The following HDAC4 variants were observed in gnomAD, a reference collection of about 807,000 sequenced individuals.
HDAC4 encodes histone deacetylase 4, also known as histone deacetylase A.
In HDAC4, 16 loss-of-function variants were observed where a neutral mutation model predicts 135.1. The observed-to-expected ratio is 0.12, with a 90% CI of 0.08 to 0.18. The LOEUF is 0.18. Ranked by LOEUF, HDAC4 falls within the 10% of genes least tolerant of loss-of-function variation. The probability of loss-of-function intolerance (pLI) is 1.00; values close to 1 mark genes in which losing one functional copy is unlikely to be tolerated. For missense variants in HDAC4, 1,143 were observed against 1,511.8 expected, an observed-to-expected ratio of 0.76 and a Z score of 4.05; for synonymous variants, 685 against 653.4, an observed-to-expected ratio of 1.05 and a Z score of -0.74.
intron 2 of HDAC4, among the ~76,000 whole-genome samples, chr2:239,239,963 C>A (rs1360508473): frequency 6.6e-6 from 1 of 152,270 alleles, no homozygotes; most frequent in Non-Finnish European, 1.5e-5. Flanking sequence ...TGAGCCCCAG[C>A]CAGCTGGAAG....
At position 239,082,744 on chromosome 2, in the gene HDAC4, A is replaced by T. The variant is rs367796514; in HGVS notation, c.2533-523T>A. Among the ~76,000 whole-genome samples the T allele has an allele frequency of 6.6e-4, 100 of 152,346 alleles. 1 individual carries two copies. In the East Asian group the frequency reaches 0.019, roughly 28 times the overall value. ...TCCGTGAGTGACAGGCACACACAGTACGGGGTCCAGGCCCCTGTGCCCAAA... is the reference window on the plus strand; with the variant it reads ...TCCGTGAGTGACAGGCACACACAGTTCGGGGTCCAGGCCCCTGTGCCCAAA... On this transcript the variant is annotated intron_variant, in intron 20 of 26. Coordinates refer to ENST00000543185, the MANE Select transcript of HDAC4 (RefSeq NM_001378414.1).
At chr2:239,087,334 C>A (rs1168527920) in intron 19 of HDAC4, among the ~76,000 whole-genome samples, 2 of 152,258 alleles carry the variant, frequency 1.3e-5, no homozygotes, top group Admixed American at 6.5e-5. Context: ...CCTTTCCCAT[C>A]CTTTCCTCTG....
chr2:239,325,957 T>C (rs1467773598), intron 2 of HDAC4, among the ~76,000 whole-genome samples: 3 of 151,104 alleles, frequency 2.0e-5, no homozygotes, highest in South Asian at 4.2e-4. Context: ...CAGAGTGGGA[T>C]GAAAAAAAAA....
At chr2:239,312,614 A>G (rs142864223) in intron 2 of HDAC4, among the ~76,000 whole-genome samples, 4 of 152,348 alleles carry the variant, frequency 2.6e-5, no homozygotes, top group East Asian at 1.9e-4. Context: ...TATGCGTCCA[A>G]TGAAACGAAA....
At chr2:239,353,112 C>A (rs772716139) in intron 1 of HDAC4, among the ~76,000 whole-genome samples, 194 bp from the exon 2 acceptor site, 2 of 152,174 alleles carry the variant, frequency 1.3e-5, no homozygotes, top group African/African-American at 2.4e-5. Context: ...ACCCTGGGTT[C>A]GAGCAATTCT....
At chr2:239,237,673 G>A (rs1338520448) in intron 2 of HDAC4, among the ~76,000 whole-genome samples, 2 of 151,978 alleles carry the variant, frequency 1.3e-5, no homozygotes. Flanking sequence ...ATTCAAGAAC[G>A]GAAACAAGGG....
At chr2:239,251,351 G>C (rs75742476) in intron 2 of HDAC4, among the ~76,000 whole-genome samples, 4,726 of 152,196 alleles carry the variant, frequency 0.031, 250 homozygotes, top group African/African-American at 0.11. Flanking sequence ...CCAACACTTT[G>C]GGAGGAATGA....
At chr2:239,242,689 A>G (rs1329997579) in intron 2 of HDAC4, among the ~76,000 whole-genome samples, 1 of 152,146 alleles carries the variant, frequency 6.6e-6, no homozygotes, top group Admixed American at 6.5e-5. Flanking sequence ...AATGGTGATA[A>G]AAGACACTTT....
intron 1 of HDAC4, among the ~76,000 whole-genome samples, chr2:239,361,412 A>C (rs919999685): frequency 2.0e-5 from 3 of 152,154 alleles, no homozygotes; most frequent in Non-Finnish European, 1.5e-5. Context: ...AAGCCTCAGG[A>C]CTCCCAATGC....
At chr2:239,382,168 C>T (rs1451930416) in intron 1 of HDAC4, among the ~76,000 whole-genome samples, 3 of 152,234 alleles carry the variant, frequency 2.0e-5, no homozygotes, top group Non-Finnish European at 2.9e-5. Context: ...CCTGCACCCA[C>T]GTAACAGATT....
intron 5 of HDAC4, among the ~76,000 whole-genome samples, chr2:239,175,491 A>C (rs141600882): frequency 1.5e-4 from 23 of 152,224 alleles, no homozygotes; most frequent in African/African-American, 5.1e-4. Flanking sequence ...CCAAAGTGGG[A>C]AACAGCAAAT....
chr2:239,207,600 T>C (rs2046118058), intron 3 of HDAC4, among the ~76,000 whole-genome samples: 1 of 152,126 alleles, frequency 6.6e-6, no homozygotes, highest in African/African-American at 2.4e-5. Flanking sequence ...AGGAACAACT[T>C]GAGGCCAGTA....
rs190492862 is a variant in HDAC4 at position 239,301,082 on chromosome 2, G to A, written c.22+51596C>T. Among the ~76,000 whole-genome samples, 20 of 152,294 alleles carry A rather than the reference G, an allele frequency of 1.3e-4. No individual in the cohort carries two copies. The East Asian group carries it at 1.4e-3, about 10-fold the overall frequency. Reference sequence around the variant, plus strand: ...TGCTCAGCCGGGTCCCTCAGCCCCGGCGGGGAGCAAGGCCTTCCTGCAGCA... The same window carrying A: ...TGCTCAGCCGGGTCCCTCAGCCCCGACGGGGAGCAAGGCCTTCCTGCAGCA... On this transcript the variant is annotated intron_variant, in intron 2 of 26. Coordinates refer to ENST00000543185, the MANE Select transcript of HDAC4 (RefSeq NM_001378414.1).
rs2152810149 is a variant in HDAC4, at chr2:239,115,265, G to C, written c.1579C>G (p.Pro527Ala). ...CGGAGCTCCTCCTCCGTCTCCTCCG[G>C]GTGGCTCTCCGGCTGCCGGGCTGGC... The part of the protein sequence containing the change: ...SEPARQPESH[P>A]EETEEELREH... The change falls in exon 13 of 27, where the codon CCG (proline) becomes GCG (alanine). Residue 527 changes from proline (P) to alanine (A), a missense_variant. Transcript: ENST00000543185. The surrounding 1 kb of genome is among the most constrained non-coding windows in gnomAD (Gnocchi z 6.3). The C allele has an allele frequency of 6.2e-7, 1 of 1,613,374 alleles. No homozygotes were observed. The highest frequency in any genetic ancestry group is 8.5e-7 in the Non-Finnish European group (1 of 1,179,968).
intron 1 of HDAC4, among the ~76,000 whole-genome samples, chr2:239,382,058 G>A (rs1443865308): frequency 6.6e-6 from 1 of 152,198 alleles, no homozygotes; most frequent in Non-Finnish European, 1.5e-5. Flanking sequence ...AGGGCCAAGG[G>A]CTCTGCTTCC....
At chr2:239,072,738 G>A (rs2034325015) in intron 22 of HDAC4, among the ~76,000 whole-genome samples, 3 of 152,218 alleles carry the variant, frequency 2.0e-5, no homozygotes, top group Non-Finnish European at 4.4e-5. Flanking sequence ...CCCCACTGAT[G>A]TCACTGAAAG....
intron 18 of HDAC4, chr2:239,089,728 CTTTTT>C (rs372528457): frequency 4.8e-5 from 14 of 293,642 alleles, no homozygotes; most frequent in African/African-American, 2.3e-4. Context: ...CTCTTTGGAG[CTTTTT>C]TTTTTTTTTT....
chr2:239,242,513 T>A (rs1290957531), intron 2 of HDAC4, among the ~76,000 whole-genome samples: 1 of 152,264 alleles, frequency 6.6e-6, no homozygotes, highest in African/African-American at 2.4e-5. Context: ...TGGTTCTGTA[T>A]CGTAGAATAT....
chr2:239,395,111 T>C (rs1050462559), intron 1 of HDAC4, among the ~76,000 whole-genome samples: 1 of 152,164 alleles, frequency 6.6e-6, no homozygotes, highest in African/African-American at 2.4e-5. Flanking sequence ...GGGAACAGTG[T>C]GTGCAAAGGC....
Sources: gnomAD v4.1 joint callset for allele counts (sites outside exome capture counted in the v4.1 genomes callset) on GRCh38, gnomAD v4.1.1 for gene constraint, Gnocchi (gnomAD v3.1) non-coding constraint, MANE v1.5 for transcripts, NCBI Gene and HGNC (gene_info 2026-07-23, HGNC 2026-07-21) for gene names.